PCDHGA1: variants seen among roughly 807,000 people sequenced by gnomAD.
PCDHGA1 encodes protocadherin gamma subfamily A, 1.
In PCDHGA1, 32 loss-of-function variants were observed where a neutral mutation model predicts 58.0. That is an observed-to-expected ratio of 0.55 (90% CI 0.42 to 0.74). PCDHGA1 has a LOEUF of 0.74. Among genes scored for constraint, PCDHGA1 ranks in the 30% least tolerant of loss-of-function variants. The pLI is 0.00. For synonymous variants in PCDHGA1, 498 were observed against 501.1 expected (o/e 0.99, Z 0.08); for missense variants, 1,205 against 1,182.3 (o/e 1.02, Z -0.28).
At chr5:141,376,311 T>C (rs376213960) in intron 1 of PCDHGA1, 29 of 1,613,880 alleles carry the variant, frequency 1.8e-5, no homozygotes, top group Non-Finnish European at 2.4e-5. Flanking sequence ...TTTGTGGGCG[T>C]GGAAGGGGTT....
intron 1 of PCDHGA1, chr5:141,408,465 A>C: frequency 6.2e-7 from 1 of 1,613,960 alleles, no homozygotes. Context: ...CTTGTGAAGA[A>C]CCGAATAGAC....
intron 1 of PCDHGA1, chr5:141,350,670 T>C (rs970651828): frequency 3.1e-6 from 5 of 1,613,886 alleles, no homozygotes; most frequent in Non-Finnish European, 4.2e-6. Context: ...GGCATTGACT[T>C]AGAAATTTGT....
intron 1 of PCDHGA1, chr5:141,340,781 C>A: frequency 6.2e-7 from 1 of 1,613,846 alleles, no homozygotes; most frequent in Non-Finnish European, 8.5e-7. Flanking sequence ...GAACGCCTGG[C>A]TGTCTTACCA....
At chr5:141,340,755 A>T (rs1756981122) in intron 1 of PCDHGA1, 4 of 1,613,308 alleles carry the variant, frequency 2.5e-6, no homozygotes, top group Non-Finnish European at 2.5e-6. Flanking sequence ...GTGGCGGTGG[A>T]CAGAGACTCG....
At chr5:141,413,873 G>A (rs544856148) in intron 1 of PCDHGA1, 4 of 1,613,372 alleles carry the variant, frequency 2.5e-6, no homozygotes, top group Admixed American at 1.7e-5. Context: ...GTCCTTGTCA[G>A]TGTGACTGTC....
chr5:141,397,047 G>T (rs180929307), intron 1 of PCDHGA1, among the ~76,000 whole-genome samples: 4 of 152,276 alleles, frequency 2.6e-5, no homozygotes, highest in Admixed American at 2.0e-4. Flanking sequence ...TTATGTAAAT[G>T]AACTTATGAG....
intron 1 of PCDHGA1, among the ~76,000 whole-genome samples, chr5:141,484,202 T>C (rs2099593138): frequency 6.6e-6 from 1 of 152,214 alleles, no homozygotes; most frequent in Non-Finnish European, 1.5e-5. Context: ...ATTAAATCTA[T>C]GAACATTAGC....
chr5:141,390,728 G>A (rs550991911), intron 1 of PCDHGA1: 12 of 194,328 alleles, frequency 6.2e-5, no homozygotes, highest in Admixed American at 2.2e-4. Context: ...AATTTAACTG[G>A]TATGGTCTCC....
chr5:141,414,184 G>C (rs1228749194), intron 1 of PCDHGA1: 3 of 1,609,416 alleles, frequency 1.9e-6, no homozygotes, highest in Non-Finnish European at 2.5e-6. Flanking sequence ...AACTGCAAAA[G>C]TGTTGATTAC....
At position 141,432,718 on chromosome 5, in the gene PCDHGA1, T is replaced by C; in HGVS notation, c.2422-62089T>C. ...CCGTCCAGGACCACGGCCAGCCCCC[T>C]CTCTCCGCCACTGTCACGCTCACCG... On this transcript the variant is annotated intron_variant, in intron 1 of 3. Coordinates refer to ENST00000517417, the MANE Select transcript of PCDHGA1 (RefSeq NM_018912.3). This position sits in a 1 kb window ranked among gnomAD's most constrained non-coding sequence, Gnocchi z 6.0. 1 of 1,613,476 alleles carries C rather than the reference T, an allele frequency of 6.2e-7. No homozygotes were observed. The highest frequency in any genetic ancestry group is 8.5e-7 in the Non-Finnish European group (1 of 1,179,862).
At chr5:141,423,920 G>A (rs2096790804) in intron 1 of PCDHGA1, 2 of 1,258,728 alleles carry the variant, frequency 1.6e-6, no homozygotes, top group African/African-American at 1.6e-5. Flanking sequence ...ATTCAACTAT[G>A]CTGGTTTGGT....
intron 1 of PCDHGA1, among the ~76,000 whole-genome samples, chr5:141,335,817 G>A (rs920736269): frequency 5.3e-4 from 80 of 151,338 alleles, no homozygotes; most frequent in Non-Finnish European, 1.1e-3. Context: ...ATAGAAAAGG[G>A]AAAAAGTTTG....
chr5:141,415,098 G>A, intron 1 of PCDHGA1: 5 of 1,613,586 alleles, frequency 3.1e-6, no homozygotes, highest in Non-Finnish European at 4.2e-6. Context: ...ACAGAGACGC[G>A]CTCAAGCAAA....
intron 1 of PCDHGA1, among the ~76,000 whole-genome samples, chr5:141,346,841 A>C (rs1757815413): frequency 6.6e-6 from 1 of 152,198 alleles, no homozygotes; most frequent in Non-Finnish European, 1.5e-5. Context: ...GGCCTTTTTC[A>C]TTTTAAATCC....
In PCDHGA1 at chr5:141,409,837, C is replaced by G. The variant is rs182654621; in HGVS notation, c.2421+76732C>G. 823 of 1,611,470 alleles carry G rather than the reference C, an allele frequency of 5.1e-4. 5 individuals carry two copies. The East Asian group carries it at 9.5e-3, about 19-fold the overall frequency. On this transcript the variant is annotated intron_variant, in intron 1 of 3. Coordinates refer to ENST00000517417, the MANE Select transcript of PCDHGA1 (RefSeq NM_018912.3). ...ACGGCTCGCCCACGCTCAGCGCCAACGTGAGCCTGCGCGTGTTGGTGGGAG... is the reference window on the plus strand; with the variant it reads ...ACGGCTCGCCCACGCTCAGCGCCAAGGTGAGCCTGCGCGTGTTGGTGGGAG...
chr5:141,471,879 G>A (rs1027572395), intron 1 of PCDHGA1, among the ~76,000 whole-genome samples: 7 of 152,218 alleles, frequency 4.6e-5, no homozygotes, highest in African/African-American at 1.7e-4. Context: ...GCCTGAGGCT[G>A]AAGCTAGGAA....
chr5:141,351,712 C>T (rs1758796018), intron 1 of PCDHGA1: 1 of 1,613,512 alleles, frequency 6.2e-7, no homozygotes, highest in Non-Finnish European at 8.5e-7. Context: ...GCAGAGTCTC[C>T]TACTCTATTC....
At chr5:141,368,582 T>C (rs1765741936) in intron 1 of PCDHGA1, among the ~76,000 whole-genome samples, 1 of 152,032 alleles carries the variant, frequency 6.6e-6, no homozygotes, top group African/African-American at 2.4e-5. Flanking sequence ...TAGGGTAAGG[T>C]GTTTGGGAAA....
chr5:141,384,282 C>T (rs1230546899), intron 1 of PCDHGA1: 3 of 1,613,858 alleles, frequency 1.9e-6, no homozygotes, highest in African/African-American at 1.3e-5. Flanking sequence ...CAGTCTACAT[C>T]GCTGAGAACA....
Sources: gnomAD v4.1 joint callset for allele counts (sites outside exome capture counted in the v4.1 genomes callset) on GRCh38, gnomAD v4.1.1 for gene constraint, Gnocchi (gnomAD v3.1) non-coding constraint, MANE v1.5 for transcripts, NCBI Gene and HGNC (gene_info 2026-07-23, HGNC 2026-07-21) for gene names.